The following PIP5K1A variants were observed in gnomAD, a reference collection of about 807,000 sequenced individuals.
The protein encoded by PIP5K1A is phosphatidylinositol 4-phosphate 5-kinase type-1 alpha.
In PIP5K1A, 46 loss-of-function variants were observed where a neutral mutation model predicts 72.9. The observed-to-expected ratio is 0.63, with a 90% CI of 0.50 to 0.81. The LOEUF (loss-of-function observed/expected upper bound fraction) is 0.81, where lower values mean the gene tolerates loss of function less well. Ranked by LOEUF, PIP5K1A falls within the 30% of genes least tolerant of loss-of-function variation. PIP5K1A has a pLI of 0.00. For synonymous variants in PIP5K1A, 228 were observed against 255.1 expected (o/e 0.89, Z 1.01); for missense variants, 458 against 706.1 (o/e 0.65, Z 3.98).
chr1:151,196,566 T>C (rs1404659111), upstream of PIP5K1A, among the ~76,000 whole-genome samples: 1 of 149,948 alleles, frequency 6.7e-6, no homozygotes, highest in Non-Finnish European at 1.5e-5. Flanking sequence ...TTTTTTTTTT[T>C]TTTTTGAGTT....
chr1:151,223,078 C>T (rs917413810), intron 1 of PIP5K1A, among the ~76,000 whole-genome samples: 7 of 151,844 alleles, frequency 4.6e-5, no homozygotes, highest in African/African-American at 1.5e-4. Flanking sequence ...TAGCCAGGCG[C>T]AGTGGCTCAC....
At chr1:151,236,821 CTTT>C (rs369523470) in intron 9 of PIP5K1A, 58 bp downstream of exon 9, 2,181 of 496,248 alleles carry the variant, frequency 4.4e-3, no homozygotes, top group Middle Eastern at 5.4e-3. Flanking sequence ...CTTTTCTTTT[CTTT>C]TTTTTTTTTT....
At chr1:151,211,656 C>T (rs1266973565) in intron 1 of PIP5K1A, among the ~76,000 whole-genome samples, 4 of 144,188 alleles carry the variant, frequency 2.8e-5, no homozygotes, top group African/African-American at 5.2e-5. Flanking sequence ...ATTAGCCGGG[C>T]GTTGTGGCGG....
chr1:151,215,102 C>T (rs1404058766), intron 1 of PIP5K1A, among the ~76,000 whole-genome samples: 1 of 149,922 alleles, frequency 6.7e-6, no homozygotes, highest in Admixed American at 6.7e-5. Context: ...GCGATCTCAG[C>T]TCACTGTATC....
intron 1 of PIP5K1A, among the ~76,000 whole-genome samples, chr1:151,221,286 G>A (rs149239416): frequency 1.7e-4 from 26 of 152,270 alleles, no homozygotes; most frequent in African/African-American, 5.8e-4. Flanking sequence ...AGAAATGAGA[G>A]AATGTAGAGA....
At chr1:151,247,209 A>G (rs587655471) in intron 15 of PIP5K1A, among the ~76,000 whole-genome samples, 97 of 149,302 alleles carry the variant, frequency 6.5e-4, no homozygotes, top group African/African-American at 2.4e-3. Context: ...CTCACCTGCA[A>G]CCTCTGCCTC....
chr1:151,247,238 C>A (rs1295652293), intron 15 of PIP5K1A, among the ~76,000 whole-genome samples: 1 of 151,998 alleles, frequency 6.6e-6, no homozygotes, highest in African/African-American at 2.4e-5. Flanking sequence ...AAGCAGTTCT[C>A]CTGTCTCAGC....
chr1:151,228,816 A>T (rs2102543927), intron 4 of PIP5K1A, among the ~76,000 whole-genome samples: 1 of 152,236 alleles, frequency 6.6e-6, no homozygotes. Context: ...ACTCATTCTC[A>T]GTCAAGGACC....
chr1:151,227,460 C>A, intron 4 of PIP5K1A, 60 bp downstream of exon 4: 1 of 1,085,414 alleles, frequency 9.2e-7, no homozygotes, highest in Non-Finnish European at 1.4e-6. Flanking sequence ...ACTCTGGGAA[C>A]TCAGTCTCCT....
chr1:151,203,514 A>G (rs1476370350), intron 1 of PIP5K1A, among the ~76,000 whole-genome samples: 2 of 144,638 alleles, frequency 1.4e-5, no homozygotes, highest in Non-Finnish European at 3.0e-5. Context: ...GGGGGACAAG[A>G]GTGAAACTCC....
intron 8 of PIP5K1A, among the ~76,000 whole-genome samples, chr1:151,236,138 A>G (rs1388992697): frequency 1.3e-5 from 2 of 149,808 alleles, no homozygotes; most frequent in South Asian, 4.2e-4. Flanking sequence ...AAAAAAAAAA[A>G]TTTAGCCTTA....
intron 1 of PIP5K1A, chr1:151,223,861 C>T (rs771335431): frequency 3.6e-4 from 67 of 187,084 alleles, no homozygotes; most frequent in Non-Finnish European, 6.0e-4. Flanking sequence ...TGGTAGGAGG[C>T]GCCTGTAATC....
Position 151,248,209 on chromosome 1 carries a change from G to C in PIP5K1A, c.*344G>C. The C allele has an allele frequency of 2.8e-6, 1 of 359,958 alleles. No individual in the cohort carries two copies. Among genetic ancestry groups the C allele is most frequent in the Non-Finnish European group, 5.1e-6 (1 of 194,778 alleles). The allele number at this position is 359,958 out of a possible 1,614,324, so 22.3% of individuals were successfully genotyped here. A position where few individuals can be genotyped will look rare whatever the true frequency, so the allele number is the denominator to read the frequency against. Reference sequence around the variant, plus strand: ...TGCTGGAAATGGGATTGCTGGACTTGGCAGCTTTCTTTCCCCTCGTCTTTG... The same window carrying C: ...TGCTGGAAATGGGATTGCTGGACTTCGCAGCTTTCTTTCCCCTCGTCTTTG... On this transcript the variant is annotated 3_prime_UTR_variant, in exon 16 of 16. Coordinates refer to ENST00000368888, the MANE Select transcript of PIP5K1A (RefSeq NM_001135638.2).
intron 1 of PIP5K1A, among the ~76,000 whole-genome samples, chr1:151,211,701 G>A (rs968616299): frequency 6.6e-6 from 1 of 151,630 alleles, no homozygotes; most frequent in Non-Finnish European, 1.5e-5. Flanking sequence ...AGCTGCTCGG[G>A]AGGCTGAGGC....
chr1:151,205,727 G>T (rs1462678804), intron 1 of PIP5K1A, among the ~76,000 whole-genome samples: 1 of 152,114 alleles, frequency 6.6e-6, no homozygotes, highest in Non-Finnish European at 1.5e-5. Context: ...GAACCCAGGA[G>T]GCGGAGGTTG....
chr1:151,233,949 A>T (rs962298181), intron 7 of PIP5K1A, among the ~76,000 whole-genome samples: 1 of 152,104 alleles, frequency 6.6e-6, no homozygotes, highest in African/African-American at 2.4e-5. Context: ...GAAGAAATAT[A>T]TCCATCTTAT....
chr1:151,202,505 T>C (rs778358655), intron 1 of PIP5K1A, among the ~76,000 whole-genome samples: 1 of 152,206 alleles, frequency 6.6e-6, no homozygotes, highest in Non-Finnish European at 1.5e-5. Context: ...GGACTCTTGC[T>C]CTTGTCACCC....
chr1:151,247,571 G>A (rs1450208659), intron 15 of PIP5K1A, among the ~76,000 whole-genome samples: 2 of 152,008 alleles, frequency 1.3e-5, no homozygotes, highest in African/African-American at 4.8e-5. Context: ...GACTACAGGC[G>A]CCCACCACCA....
At chr1:151,198,422 C>T, upstream of PIP5K1A, 1 of 252,634 alleles carries the variant, frequency 4.0e-6, no homozygotes, top group Non-Finnish European at 8.0e-6. Flanking sequence ...ATCTTCCACC[C>T]GTGGACTCGT....
Sources: gnomAD v4.1 joint callset for allele counts (sites outside exome capture counted in the v4.1 genomes callset) on GRCh38, gnomAD v4.1.1 for gene constraint, MANE v1.5 for transcripts, NCBI Gene and HGNC (gene_info 2026-07-23, HGNC 2026-07-21) for gene names.